TNNT1: variants seen among roughly 807,000 people sequenced by gnomAD.
TNNT1 encodes troponin T1, slow skeletal type, also known as troponin T, slow skeletal muscle.
Under a neutral mutation model 50.6 loss-of-function variants are expected in TNNT1, and 53 were observed. That is an observed-to-expected ratio of 1.05 (90% CI 0.84 to 1.32). TNNT1 has a LOEUF of 1.32. TNNT1 is among the 40% of genes most tolerant of loss of function. TNNT1 has a pLI of 0.00. For synonymous variants in TNNT1, 142 were observed against 138.0 expected (o/e 1.03, Z -0.20); for missense variants, 348 against 381.7 (o/e 0.91, Z 0.74).
intron 11 of TNNT1, among the ~76,000 whole-genome samples, chr19:55,135,167 G>A (rs902648338): frequency 8.6e-5 from 13 of 151,792 alleles, no homozygotes; most frequent in African/African-American, 1.2e-4. Context: ...CACTGGGTGC[G>A]GCTTCCAAAA....
At chr19:55,147,741 A>G (rs1238586378) in intron 1 of TNNT1, among the ~76,000 whole-genome samples, 42 of 113,626 alleles carry the variant, frequency 3.7e-4, no homozygotes, top group Admixed American at 3.4e-4. Flanking sequence ...GGTCTGAGGG[A>G]GGAGGGGCCG....
intron 11 of TNNT1, among the ~76,000 whole-genome samples, chr19:55,136,808 C>G (rs2085352974): frequency 6.6e-6 from 1 of 152,172 alleles, no homozygotes; most frequent in Non-Finnish European, 1.5e-5. Flanking sequence ...AGCTCCAAGG[C>G]ACATCACGGA....
Position 55,145,391 on chromosome 19 carries a change from G to T in TNNT1, c.128+153C>A, listed in dbSNP as rs559090805. 2.1e-4 allele frequency: 147 copies of T among 695,674 alleles called. No homozygotes were observed. The Middle Eastern group carries it at 3.0e-3, about 14-fold the overall frequency. 43.1% of individuals were successfully genotyped at this position (695,674 alleles called of 1,614,324 possible). ...AGGAGGAGGGAGAGGAGGGAGGAGG[G>T]AAAGGGGGAGGGAGGAGGAGGAGGA... On this transcript the variant is annotated intron_variant, in intron 6 of 13. Coordinates refer to ENST00000588981, the MANE Select transcript of TNNT1 (RefSeq NM_003283.6).
Position 55,134,224 on chromosome 19 carries a change from G to A in TNNT1, c.612-20C>T, listed in dbSNP as rs1319370758. 6.4e-7 allele frequency: 1 copy of A among 1,555,602 alleles called. No individual in the cohort carries two copies. Among genetic ancestry groups the A allele is most frequent in the Non-Finnish European group, 8.7e-7 (1 of 1,149,844 alleles). On this transcript the variant is annotated intron_variant, in intron 11 of 13. Coordinates refer to ENST00000588981, the MANE Select transcript of TNNT1 (RefSeq NM_003283.6). Reference sequence around the variant, plus strand: ...CGGGCCCTAGGCCCAGGGACGGAGAGGAACTTGGGCCCAGAGAGGTTGTGG... The same window carrying A: ...CGGGCCCTAGGCCCAGGGACGGAGAAGAACTTGGGCCCAGAGAGGTTGTGG...
intron 5 of TNNT1, 57 bp from the exon 6 acceptor site, chr19:55,145,622 T>C: frequency 6.3e-7 from 1 of 1,582,024 alleles, no homozygotes; most frequent in Non-Finnish European, 8.7e-7. Flanking sequence ...GGAGAGGGGC[T>C]AGGCCTGACA....
chr19:55,142,805 C>A (rs1396530766), intron 6 of TNNT1, among the ~76,000 whole-genome samples: 1 of 151,894 alleles, frequency 6.6e-6, no homozygotes, highest in Non-Finnish European at 1.5e-5. Flanking sequence ...GCCTCAGCCT[C>A]CCAAAGTGCT....
intron 6 of TNNT1, among the ~76,000 whole-genome samples, chr19:55,143,950 C>T (rs1223717990): frequency 1.3e-5 from 2 of 152,100 alleles, no homozygotes; most frequent in African/African-American, 4.8e-5. Context: ...CACTTTGTTC[C>T]CCAGCCCAGA....
rs2147255231 is a variant in TNNT1 at position 55,141,319 on chromosome 19, C to G, written c.193-17G>C. Reference sequence around the variant, plus strand: ...GTGGATGTCCTGCAGGACACACGGGCAGCCCGTCCTAGGAGACCCTGGAGG... The same window carrying G: ...GTGGATGTCCTGCAGGACACACGGGGAGCCCGTCCTAGGAGACCCTGGAGG... On this transcript the variant is annotated splice_polypyrimidine_tract_variant and intron_variant, in intron 7 of 13. Coordinates refer to ENST00000588981, the MANE Select transcript of TNNT1 (RefSeq NM_003283.6). 1 of 1,607,518 alleles carries G rather than the reference C, an allele frequency of 6.2e-7. No individual in the cohort carries two copies. The highest frequency in any genetic ancestry group is 2.2e-5 in the East Asian group (1 of 44,850).
intron 7 of TNNT1, 23 bp downstream of exon 7, chr19:55,141,834 C>A: frequency 6.2e-7 from 1 of 1,613,322 alleles, no homozygotes; most frequent in Non-Finnish European, 8.5e-7. Context: ...ACTGCGCCTG[C>A]GGAGGGGTCT....
Position 55,140,867 on chromosome 19 carries a change from C to T in TNNT1, c.387+16G>A, listed in dbSNP as rs1403700326. The T allele has an allele frequency of 1.9e-6, 3 of 1,612,250 alleles. No homozygotes were observed. Among genetic ancestry groups the T allele is most frequent in the South Asian group, 2.2e-5 (2 of 91,004 alleles). On this transcript the variant is annotated intron_variant, in intron 9 of 13. Transcript: ENST00000588981. ...AGAAGTAACATTTGGGCTCTCAGGG[C>T]AGGGGAGGCACCCACCGCCAGCTTA... is the stretch of plus-strand genomic sequence containing the variant.
At chr19:55,142,705 G>A (rs1005529459) in intron 6 of TNNT1, among the ~76,000 whole-genome samples, 6 of 151,558 alleles carry the variant, frequency 4.0e-5, no homozygotes, top group African/African-American at 7.3e-5. Context: ...CTGCCACCAC[G>A]CCTGGGTAAT....
Position 55,138,280 on chromosome 19 carries a change from G to GTT in TNNT1, c.388-208_388-207dup, listed in dbSNP as rs149328670. 2.9e-4 allele frequency among the ~76,000 whole-genome samples: 40 copies of GTT among 139,166 alleles called. 1 individual carries two copies. Among genetic ancestry groups the GTT allele is most frequent in the East Asian group, 6.4e-4 (3 of 4,692 alleles). 91.3% of individuals were successfully genotyped at this position (139,166 alleles called of 152,430 possible). ...ACCACCTACAAGTCCCTTCCCCTCT[G>GTT]TTTTTTTTTTTTTTTGAGACGGACT... is the stretch of plus-strand genomic sequence containing the variant. On this transcript the variant is annotated intron_variant, in intron 9 of 13. Coordinates refer to ENST00000588981, the MANE Select transcript of TNNT1 (RefSeq NM_003283.6).
chr19:55,133,744 G>T lies in TNNT1; in HGVS notation c.791+143C>A. On this transcript the variant is annotated intron_variant, in intron 13 of 13. Transcript: ENST00000588981. ...AGACCCAGGATTCCGAGAGCAGAGA[G>T]AGGAGGACAGAGAAGGAAGGACAAA... 3 of 905,940 alleles carry T rather than the reference G, an allele frequency of 3.3e-6. No individual in the cohort carries two copies. In the Admixed American group the frequency reaches 5.5e-5, roughly 17 times the overall value. 56.1% of individuals were successfully genotyped at this position (905,940 alleles called of 1,614,324 possible).
Position 55,140,875 on chromosome 19 carries a change from G to T in TNNT1, c.387+8C>A, listed in dbSNP as rs372849068. The T allele has an allele frequency of 1.9e-6, 3 of 1,612,750 alleles. No homozygotes were observed. The African/African-American group carries it at 4.0e-5, about 22-fold the overall frequency. On this transcript the variant is annotated splice_region_variant and intron_variant, in intron 9 of 13. Transcript: ENST00000588981. ...CATTTGGGCTCTCAGGGCAGGGGAG[G>T]CACCCACCGCCAGCTTAGCCTGACG... is the stretch of plus-strand genomic sequence containing the variant.
intron 8 of TNNT1, 44 bp from the exon 9 acceptor site, chr19:55,141,004 A>C: frequency 1.3e-6 from 2 of 1,595,488 alleles, no homozygotes; most frequent in Non-Finnish European, 1.7e-6. Flanking sequence ...ACGTACCCCC[A>C]GTCTTCCTTC....
Position 55,132,792 on chromosome 19 carries a change from C to T in TNNT1, c.*123G>A. 1 of 891,376 alleles carries T rather than the reference C, an allele frequency of 1.1e-6. No individual in the cohort carries two copies. The highest frequency in any genetic ancestry group is 1.8e-6 in the Non-Finnish European group (1 of 547,736). 55.2% of individuals were successfully genotyped at this position (891,376 alleles called of 1,614,324 possible). On this transcript the variant is annotated 3_prime_UTR_variant, in exon 14 of 14. Coordinates refer to ENST00000588981, the MANE Select transcript of TNNT1 (RefSeq NM_003283.6). ...AAGTCAATTAACCAGGAGAGACCAGCTGCATCTCAACCATAATAACATCAG... is the reference window on the plus strand; with the variant it reads ...AAGTCAATTAACCAGGAGAGACCAGTTGCATCTCAACCATAATAACATCAG...
chr19:55,149,141 G>T lies in TNNT1; in HGVS notation c.-12+20C>A, dbSNP rs1304898545. 2.2e-6 allele frequency: 1 copy of T among 456,184 alleles called. No individual in the cohort carries two copies. Among genetic ancestry groups the T allele is most frequent in the Non-Finnish European group, 4.4e-6 (1 of 226,900 alleles). 28.3% of individuals were successfully genotyped at this position (456,184 alleles called of 1,614,324 possible). On this transcript the variant is annotated intron_variant, in intron 1 of 13. Transcript: ENST00000588981. ...AGGACATGGTTTTTGAAGACCACAG[G>T]GCTCCGCAGAGCCCCTTACCTAGGC...
In TNNT1 at chr19:55,138,280, G is replaced by GTTT. The variant is rs149328670; in HGVS notation, c.388-209_388-207dup. ...ACCACCTACAAGTCCCTTCCCCTCT[G>GTTT]TTTTTTTTTTTTTTTGAGACGGACT... is the stretch of plus-strand genomic sequence containing the variant. On this transcript the variant is annotated intron_variant, in intron 9 of 13. Transcript: ENST00000588981. Among the ~76,000 whole-genome samples, 7,716 of 139,054 alleles carry GTTT rather than the reference G, an allele frequency of 0.055. 370 individuals carry two copies. Among genetic ancestry groups the GTTT allele is most frequent in the African/African-American group, 0.11 (4,153 of 37,464 alleles). The allele number at this position is 139,054 out of a possible 152,430, so 91.2% of individuals were successfully genotyped here. A position where few individuals can be genotyped will look rare whatever the true frequency, so the allele number is the denominator to read the frequency against.
chr19:55,143,181 AAAG>A (rs1345277699), intron 6 of TNNT1, among the ~76,000 whole-genome samples: 1 of 150,980 alleles, frequency 6.6e-6, no homozygotes, highest in African/African-American at 2.4e-5. Flanking sequence ...AAAAAAAAAA[AAAG>A]AGATGGCGTT....
Sources: allele counts gnomAD v4.1 joint callset (sites outside exome capture counted in the v4.1 genomes callset), GRCh38; gene constraint gnomAD v4.1.1; transcripts MANE v1.5; gene names NCBI Gene and HGNC (gene_info 2026-07-23, HGNC 2026-07-21).